TVP23B: variants seen among roughly 807,000 people sequenced by gnomAD.
The protein encoded by TVP23B is trans-golgi network vesicle protein 23 homolog B.
In TVP23B, 10 loss-of-function variants were observed where a neutral mutation model predicts 30.6. That is an observed-to-expected ratio of 0.33 (90% CI 0.20 to 0.55). The LOEUF (loss-of-function observed/expected upper bound fraction) is 0.55. Among genes scored for constraint, TVP23B ranks in the 20% least tolerant of loss-of-function variants. The probability of loss-of-function intolerance (pLI) is 0.91; values close to 1 mark genes in which losing one functional copy is unlikely to be tolerated. For missense variants in TVP23B, 153 were observed against 243.2 expected (o/e 0.63, Z 2.47); for synonymous variants, 67 against 83.1 (o/e 0.81, Z 1.06).
Position 18,783,329 on chromosome 17 carries a change from C to T in TVP23B, c.12+2024C>T, listed in dbSNP as rs1380146947. ...CCATATTAACCAGGCTGGTCTTGAG[C>T]TCCTGACCTCAGGTGATCCACCCGC... On this transcript the variant is annotated intron_variant, in intron 1 of 6. Transcript: ENST00000307767. 2.0e-5 allele frequency among the ~76,000 whole-genome samples: 3 copies of T among 152,156 alleles called. No homozygotes were observed. The East Asian group carries it at 5.8e-4, about 29-fold the overall frequency.
chr17:18,802,814 T>C (rs1454075094), intron 5 of TVP23B, among the ~76,000 whole-genome samples: 1 of 152,202 alleles, frequency 6.6e-6, no homozygotes, highest in Non-Finnish European at 1.5e-5. Context: ...GTCTTTGAAT[T>C]GAGGTGTACC....
At chr17:18,788,618 C>T (rs2151844754) in intron 1 of TVP23B, among the ~76,000 whole-genome samples, 2 of 150,574 alleles carry the variant, frequency 1.3e-5, no homozygotes, top group South Asian at 4.2e-4. Flanking sequence ...CCCGTCTCAA[C>T]TAAAAATACG....
At chr17:18,785,271 A>G (rs28757664) in intron 1 of TVP23B, among the ~76,000 whole-genome samples, 27 of 152,146 alleles carry the variant, frequency 1.8e-4, no homozygotes, top group Admixed American at 4.6e-4. Context: ...TTAAAATGTC[A>G]TTTAGCATCT....
chr17:18,781,448 A>G lies in TVP23B; in HGVS notation c.12+143A>G, dbSNP rs2035806087. On this transcript the variant is annotated intron_variant, in intron 1 of 6. Transcript: ENST00000307767. ...CGGCCGGGAGTGGAGGGCTGTGGGT[A>G]GTTGTCTGAGGAGGGCTGCTGGGGG... is the stretch of plus-strand genomic sequence containing the variant. 3.5e-5 allele frequency: 51 copies of G among 1,437,312 alleles called. No homozygotes were observed. The South Asian group carries it at 6.7e-4, about 19-fold the overall frequency. The allele number at this position is 1,437,312 out of a possible 1,614,324, so 89.0% of individuals were successfully genotyped here.
chr17:18,793,443 TAAA>T (rs67506831), intron 3 of TVP23B, among the ~76,000 whole-genome samples: 7 of 100,238 alleles, frequency 7.0e-5, no homozygotes, highest in Admixed American at 1.1e-4. Flanking sequence ...CCATCTCTGC[TAAA>T]AAAAAAAAAA....
intron 2 of TVP23B, among the ~76,000 whole-genome samples, chr17:18,790,334 G>A (rs1053755804): frequency 6.6e-6 from 1 of 151,650 alleles, no homozygotes; most frequent in Non-Finnish European, 1.5e-5. Context: ...CGTGGTGGCA[G>A]GCGCCTGTAG....
chr17:18,793,984 A>G (rs1267180617), intron 3 of TVP23B, among the ~76,000 whole-genome samples: 1 of 151,984 alleles, frequency 6.6e-6, no homozygotes, highest in African/African-American at 2.4e-5. Context: ...TATGGATCAG[A>G]GTAAGAAAGC....
chr17:18,803,395 G>C (rs1477694241), intron 5 of TVP23B, among the ~76,000 whole-genome samples: 1 of 152,200 alleles, frequency 6.6e-6, no homozygotes. Flanking sequence ...GGAGAACTTT[G>C]CTGATCCCTG....
At chr17:18,787,698 T>G (rs2151844175) in intron 1 of TVP23B, among the ~76,000 whole-genome samples, 1 of 152,322 alleles carries the variant, frequency 6.6e-6, no homozygotes, top group East Asian at 1.9e-4. Context: ...GTAGTGTTCT[T>G]AGAGACCATG....
chr17:18,789,894 G>T (rs949983867), intron 2 of TVP23B, among the ~76,000 whole-genome samples: 1 of 152,108 alleles, frequency 6.6e-6, no homozygotes, highest in African/African-American at 2.4e-5. Flanking sequence ...AGTCACAAAA[G>T]ACCACATATT....
chr17:18,790,022 G>A, intron 2 of TVP23B, among the ~76,000 whole-genome samples: 1 of 152,198 alleles, frequency 6.6e-6, no homozygotes, highest in Admixed American at 6.5e-5. Context: ...CTGCCAGTGG[G>A]TACAAAGATT....
chr17:18,799,732 T>C (rs1177652159), intron 5 of TVP23B, among the ~76,000 whole-genome samples: 1 of 152,188 alleles, frequency 6.6e-6, no homozygotes, highest in Non-Finnish European at 1.5e-5. Context: ...TTTTTTCTTA[T>C]TCTATCTTAT....
chr17:18,805,731 T>G lies in TVP23B; in HGVS notation c.*164T>G. On this transcript the variant is annotated 3_prime_UTR_variant, in exon 7 of 7. Coordinates refer to ENST00000307767, the MANE Select transcript of TVP23B (RefSeq NM_016078.6). ...AAAAGTAGTTTTCATATTAAGTTTT[T>G]ATTTCCTTTCCAGCAGTTGGGGCTA... The G allele has an allele frequency of 6.9e-7, 1 of 1,443,126 alleles. No homozygotes were observed. The highest frequency in any genetic ancestry group is 9.1e-7 in the Non-Finnish European group (1 of 1,099,376). 89.4% of individuals were successfully genotyped at this position (1,443,126 alleles called of 1,614,324 possible). A position where few individuals can be genotyped will look rare whatever the true frequency, so the allele number is the denominator to read the frequency against.
At chr17:18,789,519 G>A (rs2035960172) in intron 2 of TVP23B, 84 bp downstream of exon 2, 3 of 1,575,386 alleles carry the variant, frequency 1.9e-6, no homozygotes, top group East Asian at 2.3e-5. Flanking sequence ...GGGAGTCAAG[G>A]CAGAGTTGTT....
intron 1 of TVP23B, among the ~76,000 whole-genome samples, chr17:18,782,892 G>T (rs1181715920): frequency 6.6e-6 from 1 of 150,626 alleles, no homozygotes; most frequent in African/African-American, 2.5e-5. Context: ...ATTTTGTGCC[G>T]ACCTCACATC....
intron 1 of TVP23B, among the ~76,000 whole-genome samples, chr17:18,784,775 C>G (rs1038404964): frequency 1.3e-5 from 2 of 152,266 alleles, no homozygotes; most frequent in Non-Finnish European, 2.9e-5. Context: ...ACTACCCCCT[C>G]CTGGCTCACC....
At chr17:18,781,654 G>C (rs904143116) in intron 1 of TVP23B, 10 of 367,622 alleles carry the variant, frequency 2.7e-5, no homozygotes, top group Non-Finnish European at 4.9e-5. Context: ...ACCCAGGGGT[G>C]CGATGCTATT....
intron 5 of TVP23B, among the ~76,000 whole-genome samples, chr17:18,801,239 T>G (rs905025192): frequency 6.6e-6 from 1 of 151,016 alleles, no homozygotes; most frequent in Non-Finnish European, 1.5e-5. Flanking sequence ...GTCCGAGGAA[T>G]GCTTTTATTT....
At chr17:18,785,068 G>A (rs113514926) in intron 1 of TVP23B, among the ~76,000 whole-genome samples, 14,385 of 151,390 alleles carry the variant, frequency 0.095, 72 homozygotes, top group Middle Eastern at 0.14. Flanking sequence ...TTACTTCTTG[G>A]CCTCGTGATT....
Sources: gnomAD v4.1 joint callset for allele counts (sites outside exome capture counted in the v4.1 genomes callset) on GRCh38, gnomAD v4.1.1 for gene constraint, MANE v1.5 for transcripts, NCBI Gene and HGNC (gene_info 2026-07-23, HGNC 2026-07-21) for gene names.